The following SLC7A7 variants were observed in gnomAD, a reference collection of about 807,000 sequenced individuals.
SLC7A7 encodes Y+L amino acid transporter 1.
A neutral mutation model predicts 47.9 loss-of-function variants in SLC7A7; 39 were observed. The ratio of observed to expected loss-of-function variants is 0.81; its 90% CI spans 0.63 to 1.06. SLC7A7 has a LOEUF of 1.06. SLC7A7 is among the 50% of genes least tolerant of loss of function. The pLI is 0.00. For missense variants in SLC7A7, 588 were observed against 632.0 expected (o/e 0.93, Z 0.75); for synonymous variants, 234 against 242.8 (o/e 0.96, Z 0.34).
At chr14:22,787,678 C>A (rs2038841943) in intron 2 of SLC7A7, among the ~76,000 whole-genome samples, 1 of 152,144 alleles carries the variant, frequency 6.6e-6, no homozygotes, top group African/African-American at 2.4e-5. Flanking sequence ...ATTGTTTGAG[C>A]CTAGGAGGCA....
At position 22,795,359 on chromosome 14, in the gene SLC7A7, G is replaced by A. The variant is rs143594632; in HGVS notation, c.500-15308C>T. Among the ~76,000 whole-genome samples the A allele has an allele frequency of 6.4e-3, 940 of 147,948 alleles. 29 individuals carry two copies. The highest frequency in any genetic ancestry group is 0.025 in the East Asian group (124 of 4,958). ...GCTAGGATTACAGGTGTGAGCCACCGTGCCCAATCTGAGTATTGCTTGCTT... is the reference window on the plus strand; with the variant it reads ...GCTAGGATTACAGGTGTGAGCCACCATGCCCAATCTGAGTATTGCTTGCTT... On this transcript the variant is annotated intron_variant, in intron 2 of 9. Coordinates refer to ENST00000674313, the MANE Select transcript of SLC7A7 (RefSeq NM_003982.4).
At chr14:22,791,328 T>G (rs1421782100) in intron 2 of SLC7A7, among the ~76,000 whole-genome samples, 1 of 152,202 alleles carries the variant, frequency 6.6e-6, no homozygotes, top group African/African-American at 2.4e-5. Context: ...TTAGGAACTC[T>G]GTTCTGTGTT....
At chr14:22,793,914 T>G (rs1181707600) in intron 2 of SLC7A7, among the ~76,000 whole-genome samples, 1 of 152,152 alleles carries the variant, frequency 6.6e-6, no homozygotes, top group Non-Finnish European at 1.5e-5. Context: ...CTTGAGGTAT[T>G]TTGTAGACCC....
At chr14:22,783,433 C>T (rs2038756571) in intron 2 of SLC7A7, among the ~76,000 whole-genome samples, 1 of 147,032 alleles carries the variant, frequency 6.8e-6, no homozygotes, top group African/African-American at 2.5e-5. Flanking sequence ...GACAGTCTTG[C>T]TCCGTCCCCC....
rs576656835 is a variant in SLC7A7, at chr14:22,799,776, A to T, written c.499+13124T>A. On this transcript the variant is annotated intron_variant, in intron 2 of 9. Coordinates refer to ENST00000674313, the MANE Select transcript of SLC7A7 (RefSeq NM_003982.4). Reference sequence around the variant, plus strand: ...GCCTGTTCCTATGGTTTCAATAACCATATATACAATGATGACTCCCAAAAG... The same window carrying T: ...GCCTGTTCCTATGGTTTCAATAACCTTATATACAATGATGACTCCCAAAAG... Among the ~76,000 whole-genome samples the T allele has an allele frequency of 3.9e-5, 6 of 152,236 alleles. No homozygotes were observed. The East Asian group carries it at 1.2e-3, about 29-fold the overall frequency.
intron 2 of SLC7A7, among the ~76,000 whole-genome samples, chr14:22,802,497 G>A (rs745565912): frequency 1.6e-4 from 24 of 152,086 alleles, no homozygotes; most frequent in Non-Finnish European, 2.6e-4. Flanking sequence ...TTATAGATAG[G>A]CACAGCTCTT....
intron 2 of SLC7A7, among the ~76,000 whole-genome samples, chr14:22,812,230 G>A (rs976524570): frequency 2.6e-5 from 4 of 151,656 alleles, no homozygotes; most frequent in East Asian, 1.9e-4. Context: ...GCAGTGGTGC[G>A]ATCTTGGCTC....
intron 6 of SLC7A7, 116 bp from the exon 7 acceptor site, chr14:22,775,656 T>C (rs2038588069): frequency 1.0e-6 from 1 of 985,574 alleles, no homozygotes; most frequent in African/African-American, 1.6e-5. Context: ...ATTTGGATAA[T>C]ATGGACTGGA....
chr14:22,776,470 G>A (rs1158520167), intron 4 of SLC7A7, 152 bp from the exon 5 acceptor site: 9 of 955,448 alleles, frequency 9.4e-6, no homozygotes, highest in Non-Finnish European at 1.3e-5. Flanking sequence ...CGGTGCCCTG[G>A]ATAGTGGCTG....
At chr14:22,808,311 T>C (rs2138647054) in intron 2 of SLC7A7, among the ~76,000 whole-genome samples, 1 of 152,376 alleles carries the variant, frequency 6.6e-6, no homozygotes, top group South Asian at 2.1e-4. Flanking sequence ...ATCATTCTTC[T>C]TTGTTTTTCA....
At chr14:22,800,341 C>T (rs1262929930) in intron 2 of SLC7A7, among the ~76,000 whole-genome samples, 1 of 152,170 alleles carries the variant, frequency 6.6e-6, no homozygotes, top group Non-Finnish European at 1.5e-5. Flanking sequence ...ATCCCATATT[C>T]CTTTCTTACA....
intron 1 of SLC7A7, among the ~76,000 whole-genome samples, chr14:22,813,944 C>A (rs1011212871): frequency 1.3e-5 from 2 of 151,864 alleles, no homozygotes; most frequent in Non-Finnish European, 2.9e-5. Flanking sequence ...GCATGCACCA[C>A]CACACCCAGC....
chr14:22,794,765 G>A (rs1258838045), intron 2 of SLC7A7, among the ~76,000 whole-genome samples: 3 of 152,120 alleles, frequency 2.0e-5, no homozygotes, highest in Non-Finnish European at 4.4e-5. Context: ...CTGCAAACTA[G>A]CATCACTTGA....
chr14:22,773,742 T>G (rs771945784), intron 9 of SLC7A7, 26 bp from the exon 10 acceptor site: 12 of 1,610,040 alleles, frequency 7.5e-6, no homozygotes, highest in Non-Finnish European at 8.5e-6. Flanking sequence ...TGAGTTGGAA[T>G]TGAGAAGAGG....
chr14:22,816,497 A>T (rs2039409583), upstream of SLC7A7: 1 of 123,380 alleles, frequency 8.1e-6, no homozygotes, highest in Non-Finnish European at 1.7e-5. Flanking sequence ...ACACAGCAAG[A>T]CTCCATCTCA....
intron 5 of SLC7A7, 103 bp downstream of exon 5, chr14:22,776,091 CT>C: frequency 1.3e-6 from 2 of 1,533,998 alleles, no homozygotes; most frequent in Non-Finnish European, 1.8e-6. Flanking sequence ...TCTAAATGAA[CT>C]CCTTTCAAGG....
Position 22,775,452 on chromosome 14 carries a change from G to A in SLC7A7, c.1087C>T (p.Leu363Phe). ...VERFTPVPSL[L>F]FNGIMALIYL... ...TCCTTGAGTTCACTTACATTGAAGA[G>A]CAGAGAAGGCACTGGTGTGAACCGC... Residue 363 changes from leucine (L) to phenylalanine (F), a missense_variant, in exon 7 of 10, where the codon CTC becomes TTC. Transcript: ENST00000674313. The A allele has an allele frequency of 6.2e-7, 1 of 1,613,704 alleles. No homozygotes were observed. The highest frequency in any genetic ancestry group is 8.5e-7 in the Non-Finnish European group (1 of 1,179,584).
chr14:22,798,033 T>C (rs1178891803), intron 2 of SLC7A7, among the ~76,000 whole-genome samples: 2 of 152,194 alleles, frequency 1.3e-5, no homozygotes, highest in Non-Finnish European at 2.9e-5. Context: ...CGGTGGCTCA[T>C]GCCTGTAATC....
upstream of SLC7A7, among the ~76,000 whole-genome samples, chr14:22,817,828 T>C (rs554427545): frequency 6.6e-6 from 1 of 152,250 alleles, no homozygotes; most frequent in South Asian, 2.1e-4. Context: ...TGGGGGAAGA[T>C]GTAAGCAGAC....
Sources: gnomAD v4.1 joint callset for allele counts (sites outside exome capture counted in the v4.1 genomes callset) on GRCh38, gnomAD v4.1.1 for gene constraint, MANE v1.5 for transcripts, NCBI Gene and HGNC (gene_info 2026-07-23, HGNC 2026-07-21) for gene names.